Variants in OR6C2 observed in about 807,000 individuals in gnomAD.
The protein encoded by OR6C2 is olfactory receptor family 6 subfamily C member 2, also known as olfactory receptor 6C2.
For synonymous variants in OR6C2, 146 were observed against 134.2 expected, an observed-to-expected ratio of 1.09 and a Z score of -0.61; for missense variants, 435 against 365.8, an observed-to-expected ratio of 1.19 and a Z score of -1.54.
intron 1 of OR6C2, among the ~76,000 whole-genome samples, chr12:55,450,261 G>T (rs2120683565): frequency 6.6e-6 from 1 of 152,158 alleles, no homozygotes; most frequent in African/African-American, 2.4e-5. Context: ...TTCACTGTGT[G>T]GGTAAATGAA....
At chr12:55,448,477 C>T (rs1376757074) in intron 1 of OR6C2, among the ~76,000 whole-genome samples, 1 of 148,544 alleles carries the variant, frequency 6.7e-6, no homozygotes, top group Non-Finnish European at 1.5e-5. Flanking sequence ...GTTCCAAACT[C>T]CTGAGAATTC....
chr12:55,452,860 A>C lies in OR6C2; in HGVS notation c.647A>C (p.Tyr216Ser). ...IITLVCVILS[Y>S]LYIVRTILKF... ...ACCCTAGTTTGTGTGATTCTGTCCT[A>C]CTTGTACATAGTCAGAACAATTCTG... is the stretch of plus-strand genomic sequence containing the variant. Residue 216 changes from tyrosine to serine, a missense_variant, in exon 2 of 2, where the codon TAC (tyrosine) becomes TCC (serine). Tyr to Ser is a moderately radical substitution (Grantham distance 144, BLOSUM62 -2). Coordinates refer to ENST00000641202, the MANE Select transcript of OR6C2 (RefSeq NM_054105.2). The C allele has an allele frequency of 6.2e-7, 1 of 1,613,806 alleles. No homozygotes were observed.
At position 55,452,232 on chromosome 12, in the gene OR6C2, A is replaced by T. The variant is rs764965901; in HGVS notation, c.19A>T (p.Ile7Leu). 1.3e-6 allele frequency: 2 copies of T among 1,584,068 alleles called. No individual in the cohort carries two copies. Among genetic ancestry groups the T allele is most frequent in the Non-Finnish European group, 1.7e-6 (2 of 1,166,398 alleles). ...AACAGTGATGAAAAACCACACAGTAATAAGAACTTTTATCCTGCTGGGACT... is the reference window on the plus strand; with the variant it reads ...AACAGTGATGAAAAACCACACAGTATTAAGAACTTTTATCCTGCTGGGACT... Reference protein sequence around the residue: MKNHTVIRTFILLGLTG... With the variant: MKNHTVLRTFILLGLTG... Residue 7 changes from isoleucine (I) to leucine (L), a missense_variant, in exon 2 of 2, where the codon ATA becomes TTA. Coordinates refer to ENST00000641202, the MANE Select transcript of OR6C2 (RefSeq NM_054105.2).
chr12:55,453,149 G>T lies in OR6C2; in HGVS notation c.936G>T (p.Lys312Asn), dbSNP rs779088140. The T allele has an allele frequency of 1.2e-6, 2 of 1,607,900 alleles. No individual in the cohort carries two copies. Among genetic ancestry groups the T allele is most frequent in the East Asian group, 4.5e-5 (2 of 44,796 alleles). The change falls in exon 2 of 2, where the codon AAG (lysine) becomes AAT (asparagine). Residue 312 changes from lysine to asparagine, a missense_variant. Coordinates refer to ENST00000641202, the MANE Select transcript of OR6C2 (RefSeq NM_054105.2). ...SIKRIAFLSK[K>N] ...AGAGGATTGCATTTCTCTCAAAGAA[G>T]TAGAAGCTGTGATGAATTGGCATAA...
chr12:55,452,171 C>G lies in OR6C2; in HGVS notation c.-43C>G. 2.3e-6 allele frequency: 3 copies of G among 1,302,366 alleles called. No individual in the cohort carries two copies. Among genetic ancestry groups the G allele is most frequent in the Non-Finnish European group, 2.1e-6 (2 of 942,602 alleles). The allele number at this position is 1,302,366 out of a possible 1,614,324, so 80.7% of individuals were successfully genotyped here. A position where few individuals can be genotyped will look rare whatever the true frequency, so the allele number is the denominator to read the frequency against. ...TTCAAATATCTACCCCCTCATAAACCGTGATTTTTAAAGGAGGATTGGGTA... is the reference window on the plus strand; with the variant it reads ...TTCAAATATCTACCCCCTCATAAACGGTGATTTTTAAAGGAGGATTGGGTA... On this transcript the variant is annotated 5_prime_UTR_variant, in exon 2 of 2. Coordinates refer to ENST00000641202, the MANE Select transcript of OR6C2 (RefSeq NM_054105.2).
chr12:55,446,210 C>T lies in OR6C2; in HGVS notation c.-888+2051C>T, dbSNP rs142514788. ...TGTTGCCGAGGCTGGAGTGCAATGG[C>T]GAGATCTTGGCTCATCGCAACCTCC... On this transcript the variant is annotated intron_variant, in intron 1 of 1. Transcript: ENST00000641202. Among the ~76,000 whole-genome samples, 622 of 151,978 alleles carry T rather than the reference C, an allele frequency of 4.1e-3. 3 individuals carry two copies. Among genetic ancestry groups the T allele is most frequent in the African/African-American group, 0.014 (578 of 41,464 alleles).
rs1017166505 is a variant in OR6C2, at chr12:55,452,273, C to T, written c.60C>T (p.His20=). The T allele has an allele frequency of 2.4e-5, 38 of 1,612,438 alleles. No individual in the cohort carries two copies. The highest frequency in any genetic ancestry group is 6.7e-5 in the Admixed American group (4 of 59,840). The part of the protein sequence containing the change: ...FILLGLTGDP[H]LQVLLFIFLF... ...TGCTGGGACTGACAGGTGACCCACA[C>T]CTGCAAGTTCTGCTTTTTATCTTTC... Residue 20 remains histidine, a synonymous_variant, in exon 2 of 2, where the codon CAC becomes CAT. Transcript: ENST00000641202.
Position 55,452,715 on chromosome 12 carries a change from G to C in OR6C2, c.502G>C (p.Asp168His). The C allele has an allele frequency of 6.2e-7, 1 of 1,613,758 alleles. No homozygotes were observed. Among genetic ancestry groups the C allele is most frequent in the Non-Finnish European group, 8.5e-7 (1 of 1,179,818 alleles). Residue 168 changes from aspartate (D) to histidine (H), a missense_variant, in exon 2 of 2, where the codon GAC becomes CAC. Transcript: ENST00000641202. ...LSLGLQLEFC[D>H]SNAIDHFSCD... The stretch of plus-strand genomic sequence containing the variant: ...CTTAGGCCTCCAGCTCGAATTCTGT[G>C]ACTCCAATGCCATTGATCATTTTAG...
At chr12:55,448,648 A>AAAAAAAAAAAAAAAAGAAAG (rs1443480316) in intron 1 of OR6C2, among the ~76,000 whole-genome samples, 3 of 141,976 alleles carry the variant, frequency 2.1e-5, no homozygotes, top group African/African-American at 8.4e-5. Context: ...CACTGCAAAA[A>AAAAAAAAAAAAAAAAGAAAG]AAAAAAAAAA....
intron 1 of OR6C2, among the ~76,000 whole-genome samples, chr12:55,448,656 A>AAAAG (rs1555179355): frequency 1.4e-5 from 2 of 142,812 alleles, no homozygotes; most frequent in African/African-American, 5.6e-5. Context: ...AAAAAAAAAA[A>AAAAG]AAAGAAAGAA....
rs2120687467 is a variant in OR6C2 at position 55,452,227 on chromosome 12, C to T, written c.14C>T (p.Thr5Ile). ...CAAAGAACAGTGATGAAAAACCACA[C>T]AGTAATAAGAACTTTTATCCTGCTG... MKNHTVIRTFILLGL... is the reference protein window; with the variant it reads MKNHIVIRTFILLGL... Residue 5 changes from threonine to isoleucine, a missense_variant, in exon 2 of 2, where the codon ACA becomes ATA. By Grantham distance (89) the Thr-to-Ile change is moderately conservative (BLOSUM62 -1). Transcript: ENST00000641202. 6.4e-7 allele frequency: 1 copy of T among 1,568,788 alleles called. No individual in the cohort carries two copies. Among genetic ancestry groups the T allele is most frequent in the East Asian group, 2.2e-5 (1 of 44,508 alleles).
intron 1 of OR6C2, among the ~76,000 whole-genome samples, chr12:55,451,088 G>A (rs780488789): frequency 1.3e-5 from 2 of 151,830 alleles, no homozygotes; most frequent in Non-Finnish European, 2.9e-5. Flanking sequence ...GAAATATTTA[G>A]ATACAGGGAG....
At chr12:55,446,031 C>T (rs1007889194) in intron 1 of OR6C2, among the ~76,000 whole-genome samples, 1 of 152,200 alleles carries the variant, frequency 6.6e-6, no homozygotes, top group African/African-American at 2.4e-5. Context: ...GAGAATTATA[C>T]ACACTAAATA....
rs754927679 is a variant in OR6C2 at position 55,453,005 on chromosome 12, TG to T, written c.793del (p.Glu265ArgfsTer4). The T allele has an allele frequency of 1.2e-6, 2 of 1,613,690 alleles. No homozygotes were observed. The highest frequency in any genetic ancestry group is 3.3e-5 in the Admixed American group (2 of 59,934). Reference sequence around the variant, plus strand: ...TCTATATCAAGCCCTCTGCAAAAGATGAGGTGGCCATAAATAAAGGAGTTTC... The same window carrying T: ...TCTATATCAAGCCCTCTGCAAAAGATAGGTGGCCATAAATAAAGGAGTTTC... ...FIYIKPSAKD[E>X]VAINKGVSVL... On this transcript the variant is annotated frameshift_variant, in exon 2 of 2. Coordinates refer to ENST00000641202, the MANE Select transcript of OR6C2 (RefSeq NM_054105.2). LOFTEE classifies it low-confidence loss of function (END_TRUNC).
intron 1 of OR6C2, among the ~76,000 whole-genome samples, chr12:55,448,260 A>G (rs1487924473): frequency 6.6e-6 from 1 of 151,782 alleles, no homozygotes; most frequent in Admixed American, 6.6e-5. Flanking sequence ...TATCAGATAT[A>G]TGGTCTGTAA....
chr12:55,447,915 C>G (rs1303662972), intron 1 of OR6C2, among the ~76,000 whole-genome samples: 1 of 152,026 alleles, frequency 6.6e-6, no homozygotes, highest in Non-Finnish European at 1.5e-5. Context: ...AAGTTTCATA[C>G]TATTTTCTAT....
At chr12:55,444,932 G>T (rs984353443) in intron 1 of OR6C2, among the ~76,000 whole-genome samples, 28 of 152,106 alleles carry the variant, frequency 1.8e-4, no homozygotes, top group Non-Finnish European at 3.1e-4. Flanking sequence ...AGTCAAAAAT[G>T]GTATTTGCAT....
Position 55,452,504 on chromosome 12 carries a change from T to C in OR6C2, c.291T>C (p.Ser97=). ...DNTITYNACA[S]QIFFVILFGA... is the part of the protein sequence containing the mutation. Reference sequence around the variant, plus strand: ...CCATTACCTACAATGCTTGTGCCAGTCAAATATTCTTTGTTATTCTCTTTG... The same window carrying C: ...CCATTACCTACAATGCTTGTGCCAGCCAAATATTCTTTGTTATTCTCTTTG... Residue 97 remains serine (S), a synonymous_variant, in exon 2 of 2, where the codon AGT becomes AGC. Transcript: ENST00000641202. 6.2e-7 allele frequency: 1 copy of C among 1,613,974 alleles called. No homozygotes were observed. Among genetic ancestry groups the C allele is most frequent in the Non-Finnish European group, 8.5e-7 (1 of 1,179,868 alleles).
In OR6C2 at chr12:55,452,593, C is replaced by T. The variant is rs749167381; in HGVS notation, c.380C>T (p.Pro127Leu). ...GACCGCTATGTGGCCATCTGTAAAC[C>T]CCTTCATTATGTGGTCATCATGAAC... ...SYDRYVAICK[P>L]LHYVVIMNNR... The change falls in exon 2 of 2, where the codon CCC becomes CTC. Residue 127 changes from proline (P) to leucine (L), a missense_variant. Transcript: ENST00000641202. The T allele has an allele frequency of 3.1e-6, 5 of 1,613,802 alleles. No homozygotes were observed. Among genetic ancestry groups the T allele is most frequent in the Non-Finnish European group, 4.2e-6 (5 of 1,179,844 alleles).
Sources: allele counts gnomAD v4.1 joint callset (sites outside exome capture counted in the v4.1 genomes callset), GRCh38; gene constraint gnomAD v4.1.1; transcripts MANE v1.5; gene names NCBI Gene and HGNC (gene_info 2026-07-23, HGNC 2026-07-21).